Variants in RIMKLB observed in about 807,000 individuals in gnomAD.
RIMKLB encodes beta-citrylglutamate synthase B.
In RIMKLB, 7 loss-of-function variants were observed where a neutral mutation model predicts 32.0. That is an observed-to-expected ratio of 0.22 (90% CI 0.12 to 0.41). The LOEUF (loss-of-function observed/expected upper bound fraction) is 0.41. RIMKLB is among the 10% of genes least tolerant of loss of function. The pLI is 1.00. For missense variants in RIMKLB, 289 were observed against 498.7 expected (o/e 0.58, Z 4.00); for synonymous variants, 172 against 185.1 (o/e 0.93, Z 0.57).
At chr12:8,761,119 G>A (rs1374818466) in intron 5 of RIMKLB, among the ~76,000 whole-genome samples, 1 of 151,924 alleles carries the variant, frequency 6.6e-6, no homozygotes, top group African/African-American at 2.4e-5. Context: ...GGAGGCCAGG[G>A]TGGGCCTTGA....
At chr12:8,728,755 T>C (rs892024374) in intron 2 of RIMKLB, among the ~76,000 whole-genome samples, 18 of 150,002 alleles carry the variant, frequency 1.2e-4, no homozygotes, top group African/African-American at 4.5e-4. Flanking sequence ...GCCACCATGC[T>C]CTGCTAATTG....
chr12:8,728,163 G>T (rs1404593511), intron 2 of RIMKLB, among the ~76,000 whole-genome samples: 2 of 152,072 alleles, frequency 1.3e-5, no homozygotes, highest in African/African-American at 2.4e-5. Flanking sequence ...TACTATTTTT[G>T]TGGAAGTCTT....
chr12:8,763,699 T>C (rs1949718160), intron 5 of RIMKLB, among the ~76,000 whole-genome samples: 1 of 152,256 alleles, frequency 6.6e-6, no homozygotes, highest in South Asian at 2.1e-4. Context: ...CTTGGGTGGC[T>C]TGATGACACA....
the RIMKLB span, among the ~76,000 whole-genome samples, chr12:8,675,458 C>T: frequency 6.6e-6 from 1 of 152,174 alleles, no homozygotes; most frequent in Non-Finnish European, 1.5e-5. Flanking sequence ...TTCTCCCTCT[C>T]CTTAATCCAC....
intron 2 of RIMKLB, among the ~76,000 whole-genome samples, chr12:8,723,843 T>A (rs141778789): frequency 1.3e-3 from 185 of 146,720 alleles, no homozygotes; most frequent in African/African-American, 4.5e-3. Flanking sequence ...ACAGAGTCTT[T>A]CTCTGTCGTT....
At chr12:8,757,811 A>G (rs1473280762) in intron 5 of RIMKLB, among the ~76,000 whole-genome samples, 1 of 152,206 alleles carries the variant, frequency 6.6e-6, no homozygotes, top group African/African-American at 2.4e-5. Flanking sequence ...CTTCAGCTCT[A>G]CTAGATATTG....
intron 2 of RIMKLB, among the ~76,000 whole-genome samples, chr12:8,728,016 A>C (rs890582633): frequency 6.6e-6 from 1 of 152,184 alleles, no homozygotes; most frequent in African/African-American, 2.4e-5. Context: ...TTTGGTATCC[A>C]TAGGTTCTGC....
intron 1 of RIMKLB, among the ~76,000 whole-genome samples, chr12:8,688,947 G>C (rs1942658031): frequency 6.6e-6 from 1 of 151,892 alleles, no homozygotes; most frequent in African/African-American, 2.4e-5. Context: ...AGATTCTCCT[G>C]TCTCAGCCTC....
chr12:8,700,911 T>C (rs1943333916), intron 1 of RIMKLB, among the ~76,000 whole-genome samples: 1 of 151,906 alleles, frequency 6.6e-6, no homozygotes, highest in Non-Finnish European at 1.5e-5. Context: ...GTGAAAAATA[T>C]AAAAAGTAGC....
chr12:8,724,300 T>C (rs1297818126), intron 2 of RIMKLB, among the ~76,000 whole-genome samples: 2 of 152,240 alleles, frequency 1.3e-5, no homozygotes, highest in African/African-American at 2.4e-5. Context: ...ATTTGATTCA[T>C]TGATTTTTTT....
intron 1 of RIMKLB, among the ~76,000 whole-genome samples, chr12:8,690,697 G>C (rs1942707385): frequency 6.6e-6 from 1 of 152,190 alleles, no homozygotes; most frequent in Admixed American, 6.5e-5. Context: ...GGCCAATGCA[G>C]GTGGATCATG....
intron 5 of RIMKLB, among the ~76,000 whole-genome samples, chr12:8,759,567 TTTAC>T (rs1475332522): frequency 6.6e-6 from 1 of 152,216 alleles, no homozygotes; most frequent in Non-Finnish European, 1.5e-5. Flanking sequence ...GTCATTTGTA[TTTAC>T]TTGTGTATGT....
chr12:8,766,061 T>C (rs1949932309), intron 5 of RIMKLB, among the ~76,000 whole-genome samples: 1 of 151,964 alleles, frequency 6.6e-6, no homozygotes, highest in Admixed American at 6.6e-5. Flanking sequence ...GTCCCAATTC[T>C]CCAAAGTACA....
chr12:8,699,007 T>A (rs980574230), intron 1 of RIMKLB, among the ~76,000 whole-genome samples: 1 of 152,112 alleles, frequency 6.6e-6, no homozygotes, highest in Non-Finnish European at 1.5e-5. Flanking sequence ...TCTCCCCTTA[T>A]TAATATGTCC....
At chr12:8,781,867 G>GAATGTAAATT (rs1565443565), downstream of RIMKLB, among the ~76,000 whole-genome samples, 298 of 152,018 alleles carry the variant, frequency 2.0e-3, no homozygotes, top group African/African-American at 6.9e-3. Flanking sequence ...GAATGTAAAT[G>GAATGTAAATT]TCAATTAAAT....
chr12:8,728,399 T>G (rs952867363), intron 2 of RIMKLB, among the ~76,000 whole-genome samples: 2 of 152,184 alleles, frequency 1.3e-5, no homozygotes, highest in African/African-American at 4.8e-5. Context: ...ATCCTATGAT[T>G]AGGTCTCTGC....
intron 2 of RIMKLB, among the ~76,000 whole-genome samples, chr12:8,724,640 A>AT: frequency 6.6e-6 from 1 of 152,292 alleles, no homozygotes; most frequent in Non-Finnish European, 1.5e-5. Flanking sequence ...GTCTAGCTTC[A>AT]TAAGTGCTTC....
chr12:8,671,806 G>A, the RIMKLB span, among the ~76,000 whole-genome samples: 192 of 152,104 alleles, frequency 1.3e-3, no homozygotes, highest in African/African-American at 4.5e-3. Context: ...CCAGCTACTC[G>A]GGAGGCTGAG....
chr12:8,715,792 TAAATG>T (rs2136988883), intron 2 of RIMKLB, among the ~76,000 whole-genome samples: 1 of 152,296 alleles, frequency 6.6e-6, no homozygotes, highest in South Asian at 2.1e-4. Context: ...ATCACACAAA[TAAATG>T]TAAAGTTATA....
Sources: gnomAD v4.1 joint callset for allele counts (sites outside exome capture counted in the v4.1 genomes callset) on GRCh38, gnomAD v4.1.1 for gene constraint, MANE v1.5 for transcripts, NCBI Gene and HGNC (gene_info 2026-07-23, HGNC 2026-07-21) for gene names.